The following ZNF385D variants were observed in gnomAD, a reference collection of about 807,000 sequenced individuals.
ZNF385D encodes the protein zinc finger protein 659.
Under a neutral mutation model 35.8 loss-of-function variants are expected in ZNF385D, and 15 were observed. The observed-to-expected ratio is 0.42, with a 90% confidence interval of 0.28 to 0.64. The LOEUF (loss-of-function observed/expected upper bound fraction) is 0.64, where lower values mean the gene tolerates loss of function less well. Ranked by LOEUF, ZNF385D falls within the 30% of genes least tolerant of loss-of-function variation. The pLI is 0.23. For missense variants in ZNF385D, 474 were observed against 494.6 expected, an observed-to-expected ratio of 0.96 and a Z score of 0.39; for synonymous variants, 212 against 186.8, an observed-to-expected ratio of 1.13 and a Z score of -1.10.
intron 2 of ZNF385D, among the ~76,000 whole-genome samples, chr3:21,645,896 C>T (rs2065737248): frequency 6.6e-6 from 1 of 152,104 alleles, no homozygotes; most frequent in South Asian, 2.1e-4. Context: ...ACATTTTCAC[C>T]AGGAATGGTT....
chr3:21,758,885 C>T (rs1287284510), intron 3 of ZNF385D, among the ~76,000 whole-genome samples: 1 of 143,488 alleles, frequency 7.0e-6, no homozygotes, highest in Non-Finnish European at 1.5e-5. Context: ...AATAGATGGA[C>T]ACCATGTCAT....
At chr3:21,632,864 G>A (rs1449753512) in intron 2 of ZNF385D, among the ~76,000 whole-genome samples, 2 of 152,088 alleles carry the variant, frequency 1.3e-5, no homozygotes, top group Non-Finnish European at 2.9e-5. Flanking sequence ...TATTTTTCAT[G>A]TATCTTAGTC....
chr3:21,455,273 G>T (rs546082815), intron 4 of ZNF385D, among the ~76,000 whole-genome samples: 3 of 152,082 alleles, frequency 2.0e-5, no homozygotes, highest in Non-Finnish European at 4.4e-5. Context: ...AACCCGCATC[G>T]CCAAGTCAAT....
At chr3:21,696,232 G>A (rs190180259) in intron 1 of ZNF385D, among the ~76,000 whole-genome samples, 112 of 152,244 alleles carry the variant, frequency 7.4e-4, no homozygotes, top group African/African-American at 2.6e-3. Context: ...GTTTGAACAC[G>A]GACTTTGGAA....
chr3:22,097,239 T>C (rs924694347), intron 3 of ZNF385D, among the ~76,000 whole-genome samples: 7 of 152,068 alleles, frequency 4.6e-5, no homozygotes, highest in Admixed American at 3.3e-4. Context: ...CATTTTGAGG[T>C]GGTTTGTTAC....
chr3:22,040,249 C>T (rs1576208351), intron 3 of ZNF385D, among the ~76,000 whole-genome samples: 1 of 152,114 alleles, frequency 6.6e-6, no homozygotes, highest in South Asian at 2.1e-4. Flanking sequence ...AATTTGAGTA[C>T]ATCATCTGTT....
chr3:22,232,054 G>A lies in ZNF385D; in HGVS notation c.107-63019C>T, dbSNP rs567613575. 9.1e-4 allele frequency among the ~76,000 whole-genome samples: 138 copies of A among 152,186 alleles called. 1 individual carries two copies. The highest frequency in any genetic ancestry group is 6.8e-3 in the Middle Eastern group (2 of 294). ...TTTCCTGTACAGGCTGCACAACTGT[G>A]AGCCAATTAAAACTCTTTTCTTTAT... On this transcript the variant is annotated intron_variant, in intron 2 of 5. Coordinates refer to the ZNF385D transcript ENST00000494108.
At chr3:22,305,644 T>C (rs567189711) in intron 2 of ZNF385D, among the ~76,000 whole-genome samples, 13 of 152,236 alleles carry the variant, frequency 8.5e-5, no homozygotes, top group South Asian at 2.1e-4. Context: ...CCAGAGATGA[T>C]AGAGATGATG....
chr3:21,811,212 T>A (rs55700075), intron 3 of ZNF385D, among the ~76,000 whole-genome samples: 1 of 152,118 alleles, frequency 6.6e-6, no homozygotes, highest in Non-Finnish European at 1.5e-5. Context: ...CTTATTCTAT[T>A]AGAAATTCTA....
intron 3 of ZNF385D, among the ~76,000 whole-genome samples, chr3:21,830,973 T>G (rs1049435706): frequency 6.6e-6 from 1 of 152,180 alleles, no homozygotes; most frequent in Non-Finnish European, 1.5e-5. Flanking sequence ...AAAACTAGTA[T>G]TTGGGTTTCT....
chr3:21,819,374 C>A (rs2073293455), intron 3 of ZNF385D, among the ~76,000 whole-genome samples: 1 of 150,982 alleles, frequency 6.6e-6, no homozygotes, highest in South Asian at 2.1e-4. Flanking sequence ...GAAGCTCGAA[C>A]CTAAAACAAG....
At chr3:21,962,884 G>C (rs1260838991) in intron 3 of ZNF385D, among the ~76,000 whole-genome samples, 2 of 152,110 alleles carry the variant, frequency 1.3e-5, no homozygotes, top group Non-Finnish European at 2.9e-5. Flanking sequence ...AGACATCTTG[G>C]AGTCACCATT....
At chr3:21,608,433 G>T (rs182931155) in intron 2 of ZNF385D, among the ~76,000 whole-genome samples, 2 of 152,200 alleles carry the variant, frequency 1.3e-5, no homozygotes, top group Non-Finnish European at 2.9e-5. Flanking sequence ...TTTGCAGATG[G>T]CAGTTAAAAA....
At chr3:21,766,497 T>A (rs1043696948) in intron 3 of ZNF385D, among the ~76,000 whole-genome samples, 2 of 152,138 alleles carry the variant, frequency 1.3e-5, no homozygotes. Context: ...AGTACGATCA[T>A]GCCATAGCAA....
At chr3:22,104,283 C>T (rs1289152526) in intron 3 of ZNF385D, among the ~76,000 whole-genome samples, 3 of 152,000 alleles carry the variant, frequency 2.0e-5, no homozygotes, top group African/African-American at 7.3e-5. Flanking sequence ...CTTTCACATT[C>T]ACTAAAATTC....
intron 3 of ZNF385D, among the ~76,000 whole-genome samples, chr3:21,886,028 G>A (rs1698530515): frequency 6.6e-6 from 1 of 152,078 alleles, no homozygotes; most frequent in Non-Finnish European, 1.5e-5. Flanking sequence ...CACCTTCTCA[G>A]AAACATCCAG....
intron 4 of ZNF385D, among the ~76,000 whole-genome samples, chr3:21,484,716 G>A (rs1575025406): frequency 6.6e-6 from 1 of 152,096 alleles, no homozygotes; most frequent in Non-Finnish European, 1.5e-5. Flanking sequence ...AGGGAGGAGA[G>A]GGAGAGGTGT....
chr3:21,634,058 A>G (rs2065355101), intron 2 of ZNF385D, among the ~76,000 whole-genome samples: 1 of 151,920 alleles, frequency 6.6e-6, no homozygotes, highest in Non-Finnish European at 1.5e-5. Context: ...ATAGCTAAGC[A>G]TGATGGCACA....
intron 3 of ZNF385D, among the ~76,000 whole-genome samples, chr3:22,080,178 C>T (rs1700676467): frequency 6.6e-6 from 1 of 152,092 alleles, no homozygotes; most frequent in South Asian, 2.1e-4. Context: ...TAATATGGGT[C>T]CTGAAAGATA....
Sources: allele counts gnomAD v4.1 joint callset (sites outside exome capture counted in the v4.1 genomes callset), GRCh38; gene constraint gnomAD v4.1.1; transcripts MANE v1.5; gene names NCBI Gene and HGNC (gene_info 2026-07-23, HGNC 2026-07-21).